The following RAD51B variants were observed in gnomAD, a reference collection of about 807,000 sequenced individuals.
RAD51B encodes RAD51 paralog B, also known as DNA repair protein RAD51 homolog 2.
Under a neutral mutation model 42.2 loss-of-function variants are expected in RAD51B, and 38 were observed. The ratio of observed to expected loss-of-function variants is 0.90; its 90% confidence interval spans 0.70 to 1.18. The LOEUF is 1.18. Among genes scored for constraint, RAD51B ranks in the 50% most tolerant of loss-of-function variants. The pLI is 0.00. For synonymous variants in RAD51B, 154 were observed against 145.2 expected, an observed-to-expected ratio of 1.06 and a Z score of -0.43; for missense variants, 373 against 400.7, an observed-to-expected ratio of 0.93 and a Z score of 0.59.
intron 10 of RAD51B, among the ~76,000 whole-genome samples, chr14:68,537,650 T>C (rs944847740): frequency 1.3e-5 from 2 of 152,238 alleles, no homozygotes; most frequent in African/African-American, 4.8e-5. Context: ...TGAAAAGTAC[T>C]ATCATTTTAG....
intron 9 of RAD51B, among the ~76,000 whole-genome samples, chr14:68,466,377 T>C (rs1023550813): frequency 1.3e-5 from 2 of 152,218 alleles, no homozygotes; most frequent in African/African-American, 2.4e-5. Flanking sequence ...TTTATCACCA[T>C]TTTACAGGTG....
At position 68,265,350 on chromosome 14, in the gene RAD51B, A is replaced by G. The variant is rs2139563554; in HGVS notation, c.757-26534A>G. 2.0e-5 allele frequency among the ~76,000 whole-genome samples: 3 copies of G among 152,290 alleles called. 1 individual carries two copies. The Middle Eastern group carries it at 0.01, about 518-fold the overall frequency. On this transcript the variant is annotated intron_variant, in intron 7 of 10. Transcript: ENST00000471583. Reference sequence around the variant, plus strand: ...GTCCCCTAGTGAGTATTCAGCAATCATTTCCTTGGGATCTAAGGCATACCA... The same window carrying G: ...GTCCCCTAGTGAGTATTCAGCAATCGTTTCCTTGGGATCTAAGGCATACCA...
intron 10 of RAD51B, among the ~76,000 whole-genome samples, chr14:68,552,672 T>A (rs763758570): frequency 4.6e-5 from 7 of 152,222 alleles, no homozygotes; most frequent in Non-Finnish European, 1.0e-4. Flanking sequence ...ATTTAGTGCA[T>A]TCCCTTAAAC....
chr14:68,459,610 G>A (rs17105667), intron 9 of RAD51B, among the ~76,000 whole-genome samples: 1 of 152,144 alleles, frequency 6.6e-6, no homozygotes, highest in Non-Finnish European at 1.5e-5. Context: ...ATTTATCAAC[G>A]ACCACGTAAT....
At chr14:68,112,457 T>C (rs1191490691) in intron 7 of RAD51B, among the ~76,000 whole-genome samples, 1 of 152,124 alleles carries the variant, frequency 6.6e-6, no homozygotes, top group Non-Finnish European at 1.5e-5. Context: ...CTAAGATAGA[T>C]GGCAGAATGT....
intron 7 of RAD51B, among the ~76,000 whole-genome samples, chr14:68,022,670 A>G (rs951756858): frequency 4.7e-5 from 7 of 149,880 alleles, no homozygotes; most frequent in Non-Finnish European, 8.9e-5. Context: ...CTCTTATTTC[A>G]GGTTCAAGGG....
chr14:68,026,505 C>T (rs1264606440), intron 7 of RAD51B, among the ~76,000 whole-genome samples: 2 of 151,774 alleles, frequency 1.3e-5, no homozygotes, highest in Non-Finnish European at 2.9e-5. Flanking sequence ...TCAAGAAGAA[C>T]TTGTTTTATG....
intron 7 of RAD51B, among the ~76,000 whole-genome samples, chr14:67,983,738 A>AT (rs768066683): frequency 4.6e-5 from 7 of 151,746 alleles, no homozygotes; most frequent in East Asian, 3.9e-4. Context: ...TAACCATTTG[A>AT]TTTTTTTTAT....
At chr14:68,166,816 C>G (rs2078763270) in intron 7 of RAD51B, among the ~76,000 whole-genome samples, 1 of 152,156 alleles carries the variant, frequency 6.6e-6, no homozygotes, top group Non-Finnish European at 1.5e-5. Flanking sequence ...ACTTAATATT[C>G]TGTTCCTGAA....
At chr14:68,585,740 T>G (rs560303284) in intron 10 of RAD51B, among the ~76,000 whole-genome samples, 1 of 152,304 alleles carries the variant, frequency 6.6e-6, no homozygotes, top group African/African-American at 2.4e-5. Context: ...TGAGCCACGT[T>G]GGAGAGTGTC....
intron 7 of RAD51B, among the ~76,000 whole-genome samples, chr14:67,967,738 C>G (rs1239571598): frequency 6.6e-6 from 1 of 152,174 alleles, no homozygotes; most frequent in Admixed American, 6.5e-5. Flanking sequence ...CTCCTGGCTG[C>G]TTTCACAGGC....
chr14:68,467,398 T>C (rs2086012350), intron 9 of RAD51B, among the ~76,000 whole-genome samples: 1 of 152,250 alleles, frequency 6.6e-6, no homozygotes, highest in African/African-American at 2.4e-5. Flanking sequence ...ATTTAACTTG[T>C]GTATCTGTGG....
chr14:68,017,152 T>C (rs2075789469), intron 7 of RAD51B, among the ~76,000 whole-genome samples: 1 of 152,140 alleles, frequency 6.6e-6, no homozygotes, highest in South Asian at 2.1e-4. Context: ...AATTTATAGC[T>C]CTAGTTTTTT....
At chr14:68,639,661 A>G (rs1892414407) in intron 10 of RAD51B, among the ~76,000 whole-genome samples, 1 of 152,216 alleles carries the variant, frequency 6.6e-6, no homozygotes, top group Admixed American at 6.5e-5. Flanking sequence ...AACAGAGAGA[A>G]AAAGACAGCA....
At chr14:68,163,676 G>T (rs2078692558) in intron 7 of RAD51B, among the ~76,000 whole-genome samples, 1 of 152,084 alleles carries the variant, frequency 6.6e-6, no homozygotes, top group Admixed American at 6.6e-5. Flanking sequence ...AGACTCACTT[G>T]TTTCTTAATT....
At chr14:68,428,712 T>C (rs2084916590) in intron 9 of RAD51B, among the ~76,000 whole-genome samples, 4 of 800 alleles carry the variant, frequency 5.0e-3, no homozygotes, top group African/African-American at 8.4e-3. Flanking sequence ...TTTCTTTATA[T>C]ATATATATAT....
At chr14:68,139,492 T>G (rs1032990610) in intron 7 of RAD51B, among the ~76,000 whole-genome samples, 8 of 152,150 alleles carry the variant, frequency 5.3e-5, no homozygotes, top group African/African-American at 1.9e-4. Flanking sequence ...TCAAAACCCT[T>G]TGATTGAGAC....
intron 5 of RAD51B, among the ~76,000 whole-genome samples, chr14:67,884,439 T>C (rs991936089): frequency 5.9e-5 from 9 of 152,210 alleles, no homozygotes; most frequent in Admixed American, 4.6e-4. Context: ...CTAGAAGATG[T>C]TGCCAGACCT....
chr14:67,927,763 T>C (rs541988741), intron 7 of RAD51B, among the ~76,000 whole-genome samples: 52 of 145,418 alleles, frequency 3.6e-4, no homozygotes, highest in African/African-American at 1.4e-3. Context: ...TGTGTGTATA[T>C]ATTATATATA....
Sources: gnomAD v4.1 joint callset for allele counts (sites outside exome capture counted in the v4.1 genomes callset) on GRCh38, gnomAD v4.1.1 for gene constraint, MANE v1.5 for transcripts, NCBI Gene and HGNC (gene_info 2026-07-23, HGNC 2026-07-21) for gene names.